MGAT4C: variants seen among roughly 807,000 people sequenced by gnomAD.
MGAT4C encodes the protein MGAT4 family member C.
In MGAT4C, 19 loss-of-function variants were observed where a neutral mutation model predicts 40.1. That is an observed-to-expected ratio of 0.47 (90% CI 0.33 to 0.70). The LOEUF (loss-of-function observed/expected upper bound fraction) is 0.70, where lower values mean the gene tolerates loss of function less well. Among genes scored for constraint, MGAT4C ranks in the 30% least tolerant of loss-of-function variants. The pLI, the probability that MGAT4C is intolerant of heterozygous loss-of-function variation, is 0.02. For synonymous variants in MGAT4C, 181 were observed against 187.1 expected (o/e 0.97, Z 0.27); for missense variants, 491 against 563.2 (o/e 0.87, Z 1.30).
intron 1 of MGAT4C, among the ~76,000 whole-genome samples, chr12:86,784,569 G>C (rs1593204481): frequency 6.6e-6 from 1 of 151,934 alleles, no homozygotes; most frequent in Non-Finnish European, 1.5e-5. Flanking sequence ...TCTCTTAGAT[G>C]AGTGAAGTTA....
chr12:86,049,310 G>A (rs1323620199), intron 2 of MGAT4C, among the ~76,000 whole-genome samples: 1 of 152,032 alleles, frequency 6.6e-6, no homozygotes, highest in Non-Finnish European at 1.5e-5. Flanking sequence ...GCGCCTGTGT[G>A]TGTGTGTGTG....
intron 4 of MGAT4C, among the ~76,000 whole-genome samples, chr12:86,267,156 T>C (rs1952807215): frequency 6.6e-6 from 1 of 152,162 alleles, no homozygotes; most frequent in African/African-American, 2.4e-5. Flanking sequence ...GGTTTGTTTT[T>C]GCTTTTCTAG....
intron 1 of MGAT4C, among the ~76,000 whole-genome samples, chr12:86,784,801 G>C (rs923250677): frequency 3.3e-5 from 5 of 151,960 alleles, no homozygotes; most frequent in Non-Finnish European, 7.4e-5. Context: ...CAATGTCTTT[G>C]CTCATACCTG....
At chr12:86,225,725 AT>A (rs1452850102) in intron 1 of MGAT4C, among the ~76,000 whole-genome samples, 1 of 152,066 alleles carries the variant, frequency 6.6e-6, no homozygotes, top group East Asian at 1.9e-4. Context: ...CAGAAAAATC[AT>A]TTGATAAAAT....
intron 4 of MGAT4C, among the ~76,000 whole-genome samples, chr12:86,301,332 A>C (rs1953805222): frequency 6.6e-6 from 1 of 152,168 alleles, no homozygotes; most frequent in Admixed American, 6.5e-5. Flanking sequence ...GCTAAACTTC[A>C]CTCTTGAGTA....
At chr12:86,204,546 G>C (rs1950180784) in intron 1 of MGAT4C, among the ~76,000 whole-genome samples, 1 of 152,040 alleles carries the variant, frequency 6.6e-6, no homozygotes, top group Admixed American at 6.6e-5. Flanking sequence ...CAAAACCATT[G>C]GAAACAGCAT....
chr12:86,444,711 T>G (rs528115511), intron 2 of MGAT4C, among the ~76,000 whole-genome samples: 1 of 152,310 alleles, frequency 6.6e-6, no homozygotes, highest in African/African-American at 2.4e-5. Flanking sequence ...CTAACAAAAA[T>G]GCATAACATA....
intron 2 of MGAT4C, among the ~76,000 whole-genome samples, chr12:86,513,822 A>G (rs1226252338): frequency 1.3e-5 from 2 of 152,176 alleles, no homozygotes; most frequent in East Asian, 1.9e-4. Context: ...AGTGAGTTAT[A>G]TGGCATTTTA....
intron 2 of MGAT4C, among the ~76,000 whole-genome samples, chr12:86,597,021 C>T (rs746243591): frequency 1.3e-5 from 2 of 152,190 alleles, no homozygotes; most frequent in African/African-American, 2.4e-5. Flanking sequence ...AGAACAGACT[C>T]TTTGTGGCAA....
At chr12:86,068,868 T>A (rs1241190456) in intron 1 of MGAT4C, among the ~76,000 whole-genome samples, 1 of 152,104 alleles carries the variant, frequency 6.6e-6, no homozygotes, top group Non-Finnish European at 1.5e-5. Flanking sequence ...TCTCTTCTCT[T>A]TGTTGCAATC....
intron 2 of MGAT4C, among the ~76,000 whole-genome samples, chr12:86,710,022 T>G (rs1950529944): frequency 6.6e-6 from 1 of 152,160 alleles, no homozygotes; most frequent in Non-Finnish European, 1.5e-5. Flanking sequence ...ATAAAGGTGA[T>G]TATGAGATCA....
intron 1 of MGAT4C, among the ~76,000 whole-genome samples, chr12:86,242,163 C>T (rs1951818268): frequency 6.6e-6 from 1 of 152,096 alleles, no homozygotes; most frequent in Admixed American, 6.5e-5. Flanking sequence ...CCTAGGGCCT[C>T]AACCTCAAGT....
chr12:86,654,090 A>C (rs1010745343), intron 2 of MGAT4C, among the ~76,000 whole-genome samples: 1 of 152,026 alleles, frequency 6.6e-6, no homozygotes, highest in African/African-American at 2.4e-5. Flanking sequence ...AAAAGTCTAT[A>C]TTCTTAAAAT....
chr12:86,098,907 C>T (rs1874423013), intron 1 of MGAT4C, among the ~76,000 whole-genome samples: 1 of 151,312 alleles, frequency 6.6e-6, no homozygotes, highest in Admixed American at 6.6e-5. Flanking sequence ...AATGTCATGC[C>T]AACCTAAGAA....
chr12:86,747,603 C>CT (rs1335487420), intron 1 of MGAT4C, among the ~76,000 whole-genome samples: 2 of 151,456 alleles, frequency 1.3e-5, no homozygotes, highest in African/African-American at 2.4e-5. Flanking sequence ...GGGCAATGAT[C>CT]TTTTTCTTTT....
intron 2 of MGAT4C, among the ~76,000 whole-genome samples, chr12:86,587,416 G>A (rs532263615): frequency 6.6e-6 from 1 of 152,190 alleles, no homozygotes; most frequent in East Asian, 1.9e-4. Context: ...TTTTGGCTTA[G>A]GATTGACTTG....
At chr12:86,170,776 A>G (rs1886739253) in intron 1 of MGAT4C, among the ~76,000 whole-genome samples, 1 of 151,218 alleles carries the variant, frequency 6.6e-6, no homozygotes, top group African/African-American at 2.4e-5. Context: ...AACAAGGCAA[A>G]AACCCATCTC....
chr12:86,704,191 AT>A (rs1950414806), intron 2 of MGAT4C, among the ~76,000 whole-genome samples: 1 of 152,164 alleles, frequency 6.6e-6, no homozygotes, highest in East Asian at 1.9e-4. Flanking sequence ...TTATTATCCC[AT>A]GAATAAATTA....
chr12:86,792,196 T>G (rs956813440), intron 1 of MGAT4C, among the ~76,000 whole-genome samples: 1 of 152,238 alleles, frequency 6.6e-6, no homozygotes, highest in Non-Finnish European at 1.5e-5. Context: ...AAATTTATTG[T>G]ACTCCTAAAT....
Sources: allele counts gnomAD v4.1 joint callset (sites outside exome capture counted in the v4.1 genomes callset), GRCh38; gene constraint gnomAD v4.1.1; transcripts MANE v1.5; gene names NCBI Gene and HGNC (gene_info 2026-07-23, HGNC 2026-07-21).